Variants in SEPTIN2 observed in about 807,000 individuals in gnomAD.
The protein encoded by SEPTIN2 is septin 2, also known as septin-2.
SEPTIN2 carries 34 observed loss-of-function variants against 46.5 expected under a neutral mutation model. The observed-to-expected ratio is 0.73, with a 90% confidence interval of 0.56 to 0.97. The LOEUF is 0.97. Among genes scored for constraint, SEPTIN2 ranks in the 50% least tolerant of loss-of-function variants. SEPTIN2 has a pLI of 0.00. For missense variants in SEPTIN2, 347 were observed against 448.4 expected (o/e 0.77, Z 2.04); for synonymous variants, 175 against 153.4 (o/e 1.14, Z -1.04).
At position 241,343,751 on chromosome 2, in the gene SEPTIN2, G is replaced by A; in HGVS notation, c.697-1G>A. On this transcript the variant is annotated splice_acceptor_variant, in intron 8 of 12. Transcript: ENST00000391971. LOFTEE classifies it high-confidence loss of function. ...TGTCTACTCTGTGTGTCTCTTTCTA[G>A]GCTAGCATCCCATTCTCTGTGGTTG... 1.2e-6 allele frequency: 2 copies of A among 1,614,086 alleles called. No homozygotes were observed. The highest frequency in any genetic ancestry group is 1.7e-6 in the Non-Finnish European group (2 of 1,180,000).
At chr2:241,350,907 A>C (rs2060731246) in intron 12 of SEPTIN2, among the ~76,000 whole-genome samples, 1 of 152,204 alleles carries the variant, frequency 6.6e-6, no homozygotes, top group Non-Finnish European at 1.5e-5. Flanking sequence ...TTGCCAGAGG[A>C]AAAGCATGAA....
intron 2 of SEPTIN2, among the ~76,000 whole-genome samples, chr2:241,325,561 A>G (rs571576733): frequency 6.6e-6 from 1 of 152,266 alleles, no homozygotes; most frequent in African/African-American, 2.4e-5. Flanking sequence ...GGGAGAAGCT[A>G]TTCTTTAGCC....
intron 5 of SEPTIN2, chr2:241,336,836 C>G (rs1329027975): frequency 5.9e-6 from 1 of 170,366 alleles, no homozygotes; most frequent in Admixed American, 6.5e-5. Flanking sequence ...TGGCTCATGC[C>G]TGTAATCCCA....
At chr2:241,343,409 G>A (rs768401272) in intron 8 of SEPTIN2, among the ~76,000 whole-genome samples, 3 of 151,820 alleles carry the variant, frequency 2.0e-5, no homozygotes, top group Admixed American at 1.3e-4. Flanking sequence ...TAAGGCAGGA[G>A]AATCACTTGA....
intron 3 of SEPTIN2, among the ~76,000 whole-genome samples, chr2:241,334,461 T>C (rs1007212917): frequency 1.3e-5 from 2 of 152,238 alleles, no homozygotes; most frequent in Non-Finnish European, 2.9e-5. Context: ...TCTCACCTCA[T>C]TGAAAGCTTA....
At chr2:241,337,868 CG>C in intron 7 of SEPTIN2, 78 bp downstream of exon 7, 1 of 989,278 alleles carries the variant, frequency 1.0e-6, no homozygotes. Context: ...TGTGTTCCCA[CG>C]CTCAGTCTGC....
chr2:241,338,560 A>G (rs2080431497), intron 7 of SEPTIN2, among the ~76,000 whole-genome samples: 1 of 140,086 alleles, frequency 7.1e-6, no homozygotes, highest in Non-Finnish European at 1.5e-5. Flanking sequence ...GGCCAACCTC[A>G]GCAACATAGC....
intron 11 of SEPTIN2, among the ~76,000 whole-genome samples, chr2:241,349,401 T>A (rs894646109): frequency 2.7e-5 from 4 of 150,808 alleles, no homozygotes; most frequent in African/African-American, 9.7e-5. Context: ...TATATGTATA[T>A]GTATGTATAT....
At chr2:241,348,108 T>G in intron 10 of SEPTIN2, 26 bp from the exon 11 acceptor site, 1 of 1,594,308 alleles carries the variant, frequency 6.3e-7, no homozygotes, top group Non-Finnish European at 8.6e-7. Context: ...TGCAGTGTTA[T>G]GATTCTGATT....
At chr2:241,342,860 G>A (rs1019796353) in intron 7 of SEPTIN2, 132 bp from the exon 8 acceptor site, 4 of 609,350 alleles carry the variant, frequency 6.6e-6, no homozygotes, top group South Asian at 4.2e-5. Context: ...TTATTTGACA[G>A]TAACTTTCGT....
intron 1 of SEPTIN2, chr2:241,316,627 C>G: frequency 1.8e-6 from 2 of 1,120,794 alleles, no homozygotes; most frequent in Non-Finnish European, 1.2e-6. Flanking sequence ...GAGGAGCAAA[C>G]CTGTGGCTTC....
chr2:241,342,788 G>A (rs111716727), intron 7 of SEPTIN2, among the ~76,000 whole-genome samples: 4,645 of 151,926 alleles, frequency 0.031, 169 homozygotes, highest in African/African-American at 0.083. Flanking sequence ...CACCTGCCTC[G>A]GCGTCCCAAA....
At chr2:241,340,090 T>A (rs1176849108) in intron 7 of SEPTIN2, among the ~76,000 whole-genome samples, 1 of 152,244 alleles carries the variant, frequency 6.6e-6, no homozygotes, top group Non-Finnish European at 1.5e-5. Context: ...ATGACTAAAT[T>A]TGCTCTAAAG....
intron 2 of SEPTIN2, chr2:241,324,518 G>T (rs1334326054): frequency 4.2e-5 from 19 of 453,954 alleles, no homozygotes; most frequent in Non-Finnish European, 7.4e-5. Context: ...CTCCGGAGTA[G>T]CTGGGACTGC....
chr2:241,327,435 G>A (rs1249742941), intron 3 of SEPTIN2, among the ~76,000 whole-genome samples: 18 of 150,628 alleles, frequency 1.2e-4, no homozygotes, highest in African/African-American at 2.9e-4. Flanking sequence ...GAAATTGAAT[G>A]TGCCCTCAGT....
At chr2:241,317,604 G>A in intron 1 of SEPTIN2, 15 of 976,064 alleles carry the variant, frequency 1.5e-5, no homozygotes, top group Non-Finnish European at 1.8e-5. Context: ...GGTGAGGTAA[G>A]GCCATTTGTA....
chr2:241,324,311 G>A, intron 2 of SEPTIN2, 70 bp downstream of exon 2: 5 of 1,237,092 alleles, frequency 4.0e-6, no homozygotes, highest in Non-Finnish European at 5.9e-6. Flanking sequence ...GTTGACAGTC[G>A]GGACTTATAT....
At chr2:241,338,802 C>CATATTATATTTATATTATTTATATATA (rs2080652085) in intron 7 of SEPTIN2, among the ~76,000 whole-genome samples, 1 of 81,260 alleles carries the variant, frequency 1.2e-5, no homozygotes, top group South Asian at 3.3e-4. Context: ...ATATATAATA[C>CATATTATATTTATATTATTTATATATA]ATATTATATT....
chr2:241,320,373 A>G (rs1466186891), intron 1 of SEPTIN2: 2 of 453,632 alleles, frequency 4.4e-6, no homozygotes, highest in Non-Finnish European at 9.1e-6. Context: ...TACAGTGCCC[A>G]TTTTTTCTGC....
Sources: allele counts gnomAD v4.1 joint callset (sites outside exome capture counted in the v4.1 genomes callset), GRCh38; gene constraint gnomAD v4.1.1; transcripts MANE v1.5; gene names NCBI Gene and HGNC (gene_info 2026-07-23, HGNC 2026-07-21).